Variants in TENM4 observed in about 807,000 individuals in gnomAD.
The protein encoded by TENM4 is teneurin transmembrane protein 4, also known as teneurin-4.
In TENM4, 82 loss-of-function variants were observed where a neutral mutation model predicts 243.3. The observed-to-expected ratio is 0.34, with a 90% CI of 0.28 to 0.40. TENM4 has a LOEUF of 0.40. TENM4 is among the 10% of genes least tolerant of loss of function. TENM4 has a pLI of 1.00. For missense variants in TENM4, 3,138 were observed against 3,673.3 expected (o/e 0.85, Z 3.77); for synonymous variants, 1,412 against 1,456.3 (o/e 0.97, Z 0.69).
In TENM4 at chr11:79,346,730, G is replaced by T. The variant is rs963885608; in HGVS notation, c.-320-49187C>A. ...CTTTCCTTCTCCTGGTAACTTTTTT[G>T]GGAAAGCCACTTAAGCCCTGACAAT... On this transcript the variant is annotated intron_variant, in intron 1 of 33. Coordinates refer to ENST00000278550, the MANE Select transcript of TENM4 (RefSeq NM_001098816.3). Among the ~76,000 whole-genome samples, 5 of 152,044 alleles carry T rather than the reference G, an allele frequency of 3.3e-5. No individual in the cohort carries two copies. In the East Asian group the frequency reaches 9.6e-4, roughly 29 times the overall value.
chr11:78,832,989 G>A (rs1858017672), intron 12 of TENM4, among the ~76,000 whole-genome samples: 1 of 152,162 alleles, frequency 6.6e-6, no homozygotes, highest in African/African-American at 2.4e-5. Flanking sequence ...TGTGGACCTT[G>A]CCCTCAAATA....
At chr11:79,218,505 G>A (rs142902738) in intron 2 of TENM4, among the ~76,000 whole-genome samples, 1,709 of 152,084 alleles carry the variant, frequency 0.011, 35 homozygotes, top group African/African-American at 0.039. Flanking sequence ...TTGTGTCTGG[G>A]TTATAAAACT....
intron 15 of TENM4, among the ~76,000 whole-genome samples, chr11:78,801,913 T>C (rs1425964505): frequency 1.3e-5 from 2 of 152,204 alleles, no homozygotes; most frequent in Non-Finnish European, 2.9e-5. Flanking sequence ...CTGTGCCAGA[T>C]ACTACAAGAA....
At chr11:79,099,655 C>T (rs774625926) in intron 4 of TENM4, among the ~76,000 whole-genome samples, 1 of 152,226 alleles carries the variant, frequency 6.6e-6, no homozygotes, top group Non-Finnish European at 1.5e-5. Flanking sequence ...GGGACTACAG[C>T]TCTTCAATGC....
intron 17 of TENM4, among the ~76,000 whole-genome samples, chr11:78,773,715 A>G (rs1048843161): frequency 6.6e-5 from 10 of 152,150 alleles, no homozygotes; most frequent in African/African-American, 2.4e-5. Flanking sequence ...GCTCCAACTA[A>G]CTTGATTTAC....
At chr11:79,202,939 G>A (rs959795291) in intron 3 of TENM4, among the ~76,000 whole-genome samples, 1 of 152,080 alleles carries the variant, frequency 6.6e-6, no homozygotes, top group African/African-American at 2.4e-5. Context: ...CCATTGTCTT[G>A]GTTTAATTTG....
At chr11:79,397,426 C>T (rs1365861569) in intron 1 of TENM4, among the ~76,000 whole-genome samples, 2 of 152,140 alleles carry the variant, frequency 1.3e-5, no homozygotes, top group African/African-American at 2.4e-5. Context: ...TCAAAGCCTG[C>T]CCCCTCCAAC....
chr11:79,170,135 G>A (rs1342449964), intron 3 of TENM4, among the ~76,000 whole-genome samples: 1 of 152,030 alleles, frequency 6.6e-6, no homozygotes, highest in African/African-American at 2.4e-5. Context: ...TGGTACTAAG[G>A]GGACCTGGTG....
chr11:79,067,610 CGGGACT>C (rs1565190220), intron 5 of TENM4, among the ~76,000 whole-genome samples: 1 of 35,602 alleles, frequency 2.8e-5, no homozygotes, highest in African/African-American at 8.6e-5. Flanking sequence ...TAAGACATCT[CGGGACT>C]AGGATGTCTT....
chr11:79,173,609 C>T (rs1043315784), intron 3 of TENM4, among the ~76,000 whole-genome samples: 1 of 152,132 alleles, frequency 6.6e-6, no homozygotes, highest in African/African-American at 2.4e-5. Flanking sequence ...CCATTTATTT[C>T]TCAACACGCT....
chr11:79,104,682 A>C (rs1419901823), intron 4 of TENM4, among the ~76,000 whole-genome samples: 1 of 152,208 alleles, frequency 6.6e-6, no homozygotes, highest in Non-Finnish European at 1.5e-5. Flanking sequence ...CTTGCTGCAA[A>C]TGCCTTTGCA....
intron 3 of TENM4, among the ~76,000 whole-genome samples, chr11:79,152,535 G>A (rs375476052): frequency 4.3e-4 from 65 of 152,282 alleles, no homozygotes; most frequent in African/African-American, 1.4e-3. Flanking sequence ...AATTTACAGC[G>A]TCTAGAACTT....
intron 19 of TENM4, among the ~76,000 whole-genome samples, chr11:78,749,906 T>A (rs1856144046): frequency 6.6e-6 from 1 of 152,178 alleles, no homozygotes; most frequent in South Asian, 2.1e-4. Context: ...GCCTCATAGT[T>A]CCCTATGTTC....
intron 2 of TENM4, among the ~76,000 whole-genome samples, chr11:79,271,332 T>C (rs1855965744): frequency 6.6e-6 from 1 of 152,220 alleles, no homozygotes; most frequent in Non-Finnish European, 1.5e-5. Flanking sequence ...AGACTTTTTC[T>C]TGTCTTTCTA....
intron 1 of TENM4, among the ~76,000 whole-genome samples, chr11:79,415,651 A>G (rs1858797188): frequency 6.6e-6 from 1 of 152,110 alleles, no homozygotes; most frequent in African/African-American, 2.4e-5. Flanking sequence ...TCTGAAGAGA[A>G]CTCATCATCT....
At chr11:79,394,433 A>T (rs1049226346) in intron 1 of TENM4, among the ~76,000 whole-genome samples, 10 of 152,206 alleles carry the variant, frequency 6.6e-5, no homozygotes, top group African/African-American at 2.4e-4. Flanking sequence ...AATTTTGAGC[A>T]AATCACTTTT....
chr11:78,867,058 G>A (rs765288066), intron 9 of TENM4, among the ~76,000 whole-genome samples: 1 of 152,170 alleles, frequency 6.6e-6, no homozygotes, highest in African/African-American at 2.4e-5. Context: ...GATGGAAAAT[G>A]GGGTATCCAT....
chr11:79,188,591 T>A (rs1590778185), intron 3 of TENM4, among the ~76,000 whole-genome samples: 1 of 138,876 alleles, frequency 7.2e-6, no homozygotes, highest in East Asian at 2.1e-4. Flanking sequence ...AGGAGAGGAG[T>A]CAATGGAGGA....
intron 21 of TENM4, 77 bp from the exon 22 acceptor site, chr11:78,729,720 G>A: frequency 6.6e-7 from 1 of 1,509,544 alleles, no homozygotes; most frequent in Non-Finnish European, 8.8e-7. Context: ...TGGCCCCATG[G>A]ACTCTGGGTG....
Sources: gnomAD v4.1 joint callset for allele counts (sites outside exome capture counted in the v4.1 genomes callset) on GRCh38, gnomAD v4.1.1 for gene constraint, MANE v1.5 for transcripts, NCBI Gene and HGNC (gene_info 2026-07-23, HGNC 2026-07-21) for gene names.